The following CSMD1 variants were observed in gnomAD, a reference collection of about 807,000 sequenced individuals.
The protein encoded by CSMD1 is CUB and sushi domain-containing protein 1.
A neutral mutation model predicts 417.5 loss-of-function variants in CSMD1; 213 were observed. The ratio of observed to expected loss-of-function variants is 0.51; its 90% confidence interval spans 0.46 to 0.57. The LOEUF (loss-of-function observed/expected upper bound fraction) is 0.57. CSMD1 is among the 20% of genes least tolerant of loss of function. The probability of loss-of-function intolerance (pLI) is 0.00; values close to 1 mark genes in which losing one functional copy is unlikely to be tolerated. For synonymous variants in CSMD1, 2,862 were observed against 1,736.8 expected, an observed-to-expected ratio of 1.65 and a Z score of -16.11; for missense variants, 6,923 against 4,529.7, an observed-to-expected ratio of 1.53 and a Z score of -15.17.
chr8:4,663,017 C>A (rs1341172050), intron 1 of CSMD1, among the ~76,000 whole-genome samples: 2 of 152,134 alleles, frequency 1.3e-5, no homozygotes, highest in Admixed American at 1.3e-4. Context: ...GTTTTGATTT[C>A]CCTGAAAAAT....
chr8:4,547,098 AAATTC>A (rs1797672247), intron 2 of CSMD1, among the ~76,000 whole-genome samples: 1 of 152,140 alleles, frequency 6.6e-6, no homozygotes, highest in Non-Finnish European at 1.5e-5. Flanking sequence ...TAGTCACCTA[AAATTC>A]AATATATGCA....
chr8:3,835,149 A>G (rs1802604760), intron 5 of CSMD1, among the ~76,000 whole-genome samples: 1 of 147,680 alleles, frequency 6.8e-6, no homozygotes, highest in African/African-American at 2.6e-5. Flanking sequence ...CCATTGTGGA[A>G]GTCAGTGTGG....
intron 2 of CSMD1, among the ~76,000 whole-genome samples, chr8:4,450,241 A>G (rs976033684): frequency 2.6e-5 from 4 of 152,216 alleles, no homozygotes; most frequent in Admixed American, 6.5e-5. Flanking sequence ...GATGAAAGCA[A>G]AGAGACAGTG....
intron 1 of CSMD1, among the ~76,000 whole-genome samples, chr8:4,965,493 C>G (rs996115732): frequency 6.6e-6 from 1 of 152,336 alleles, no homozygotes; most frequent in African/African-American, 2.4e-5. Flanking sequence ...AGAAGGATGA[C>G]TGAGTCTCTG....
At chr8:4,433,599 G>A (rs1377707435) in intron 2 of CSMD1, among the ~76,000 whole-genome samples, 3 of 152,114 alleles carry the variant, frequency 2.0e-5, no homozygotes, top group Admixed American at 6.6e-5. Context: ...CTTAAAATGG[G>A]AAACGACAAA....
Position 3,770,568 on chromosome 8 carries a change from G to T in CSMD1, c.819-16526C>A, listed in dbSNP as rs187280962. Among the ~76,000 whole-genome samples, 4 of 152,110 alleles carry T rather than the reference G, an allele frequency of 2.6e-5. No homozygotes were observed. The East Asian group carries it at 7.7e-4, about 29-fold the overall frequency. On this transcript the variant is annotated intron_variant, in intron 5 of 69. Transcript: ENST00000635120. ...TAAAAAGTAAAGAAAGAACATAATA[G>T]GAACATTAAGAGGCCTGTCGCACAT...
chr8:4,757,171 A>G (rs1811718838), intron 1 of CSMD1, among the ~76,000 whole-genome samples: 1 of 152,368 alleles, frequency 6.6e-6, no homozygotes. Flanking sequence ...TTCTATAAAC[A>G]TGACTGGATT....
chr8:4,399,462 T>G (rs964893484), intron 3 of CSMD1, among the ~76,000 whole-genome samples: 6 of 152,212 alleles, frequency 3.9e-5, no homozygotes, highest in Admixed American at 2.0e-4. Flanking sequence ...GGGTATGATT[T>G]TACTGGCTTT....
rs888529035 is a variant in CSMD1 at position 3,910,016 on chromosome 8, G to T, written c.818+87887C>A. Among the ~76,000 whole-genome samples the T allele has an allele frequency of 2.0e-5, 3 of 152,216 alleles. No homozygotes were observed. The East Asian group carries it at 5.8e-4, about 29-fold the overall frequency. On this transcript the variant is annotated intron_variant, in intron 5 of 69. Coordinates refer to ENST00000635120, the MANE Select transcript of CSMD1 (RefSeq NM_033225.6). ...TTCCTCCATTTATTTATAAATAAAG[G>T]TAAATAATTCTTTATTTTTCTCTTA...
At chr8:4,436,622 T>C (rs1293611401) in intron 2 of CSMD1, among the ~76,000 whole-genome samples, 1 of 152,114 alleles carries the variant, frequency 6.6e-6, no homozygotes, top group African/African-American at 2.4e-5. Flanking sequence ...GTCTTATTCC[T>C]TCTTCTATTT....
chr8:4,424,616 A>AC (rs1797440115), intron 2 of CSMD1, among the ~76,000 whole-genome samples: 1 of 152,070 alleles, frequency 6.6e-6, no homozygotes, highest in East Asian at 1.9e-4. Context: ...ATAAAATGGT[A>AC]CAGCCATTTT....
rs1035851670 is a variant in CSMD1 at position 4,026,174 on chromosome 8, A to C, written c.610+5731T>G. 2.0e-5 allele frequency among the ~76,000 whole-genome samples: 3 copies of C among 152,324 alleles called. No individual in the cohort carries two copies. In the East Asian group the frequency reaches 5.8e-4, roughly 29 times the overall value. ...TATGTCACATTTACACATTTACAAG[A>C]ATTAGATCATTTTTTCTTTATAATC... On this transcript the variant is annotated intron_variant, in intron 4 of 69. Transcript: ENST00000635120.
intron 26 of CSMD1, among the ~76,000 whole-genome samples, chr8:3,268,456 T>G (rs571616505): frequency 6.6e-6 from 1 of 151,950 alleles, no homozygotes; most frequent in East Asian, 1.9e-4. Context: ...GCCCAGCTGA[T>G]TTTTTTGTAT....
intron 17 of CSMD1, 70 bp from the exon 18 acceptor site, chr8:3,387,752 C>T: frequency 4.1e-6 from 5 of 1,228,098 alleles, no homozygotes; most frequent in Non-Finnish European, 5.7e-6. Flanking sequence ...AGACCCACGC[C>T]ATCAACTACG....
At chr8:4,322,901 C>T (rs1171782165) in intron 3 of CSMD1, among the ~76,000 whole-genome samples, 1 of 152,156 alleles carries the variant, frequency 6.6e-6, no homozygotes, top group Non-Finnish European at 1.5e-5. Context: ...AGGAGAATCG[C>T]TTGAACCCTG....
At chr8:4,778,669 T>A (rs1796997518) in intron 1 of CSMD1, among the ~76,000 whole-genome samples, 1 of 152,206 alleles carries the variant, frequency 6.6e-6, no homozygotes, top group South Asian at 2.1e-4. Context: ...CTGAGTCAAA[T>A]ACACCTGAGT....
Position 4,610,557 on chromosome 8 carries a change from G to A in CSMD1, c.302+26785C>T, listed in dbSNP as rs147239764. ...TACCCCAGGAGGTATCATGTTTGCC[G>A]TTTTGTCATACATATCCTTCCTCCC... On this transcript the variant is annotated intron_variant, in intron 2 of 69. Coordinates refer to ENST00000635120, the MANE Select transcript of CSMD1 (RefSeq NM_033225.6). Among the ~76,000 whole-genome samples, 985 of 152,184 alleles carry A rather than the reference G, an allele frequency of 6.5e-3. 16 individuals are homozygous for A. Among genetic ancestry groups the A allele is most frequent in the African/African-American group, 0.022 (922 of 41,546 alleles).
At chr8:4,071,297 T>C (rs769563398) in intron 3 of CSMD1, among the ~76,000 whole-genome samples, 17 of 152,192 alleles carry the variant, frequency 1.1e-4, no homozygotes, top group Non-Finnish European at 2.2e-4. Context: ...TTATTTTCTC[T>C]ATATTCTACT....
chr8:3,924,816 T>A (rs1183255800), intron 5 of CSMD1, among the ~76,000 whole-genome samples: 3 of 152,220 alleles, frequency 2.0e-5, no homozygotes, highest in African/African-American at 7.2e-5. Flanking sequence ...GTCACTGAAG[T>A]TAAGATGATA....
Sources: gnomAD v4.1 joint callset for allele counts (sites outside exome capture counted in the v4.1 genomes callset) on GRCh38, gnomAD v4.1.1 for gene constraint, MANE v1.5 for transcripts, NCBI Gene and HGNC (gene_info 2026-07-23, HGNC 2026-07-21) for gene names.